NAALADL2: variants seen among roughly 807,000 people sequenced by gnomAD.
NAALADL2 encodes the protein inactive N-acetylated-alpha-linked acidic dipeptidase-like protein 2.
A neutral mutation model predicts 87.2 loss-of-function variants in NAALADL2; 76 were observed. The ratio of observed to expected loss-of-function variants is 0.87; its 90% CI spans 0.72 to 1.05. The LOEUF is 1.05. NAALADL2 is among the 50% of genes least tolerant of loss of function. The pLI is 0.00. For synonymous variants in NAALADL2, 354 were observed against 331.0 expected (o/e 1.07, Z -0.75); for missense variants, 1,089 against 945.8 (o/e 1.15, Z -1.99).
intron 1 of NAALADL2, among the ~76,000 whole-genome samples, chr3:174,453,329 G>A (rs1258612669): frequency 6.6e-6 from 1 of 152,086 alleles, no homozygotes; most frequent in Non-Finnish European, 1.5e-5. Flanking sequence ...TGAAAGAGAT[G>A]GGGAGTATGG....
At chr3:174,603,492 C>T (rs1241969070) in intron 2 of NAALADL2, among the ~76,000 whole-genome samples, 2 of 151,826 alleles carry the variant, frequency 1.3e-5, no homozygotes, top group Non-Finnish European at 2.9e-5. Flanking sequence ...TTTGGGCCTT[C>T]TCTCTTTTTT....
intron 4 of NAALADL2, among the ~76,000 whole-genome samples, chr3:175,283,930 G>A (rs1282728835): frequency 5.9e-5 from 9 of 151,930 alleles, no homozygotes; most frequent in Non-Finnish European, 8.8e-5. Flanking sequence ...ACCCATTAAA[G>A]AAAGAAGGGA....
At chr3:175,394,287 G>A (rs1355971731) in intron 5 of NAALADL2, among the ~76,000 whole-genome samples, 2 of 152,156 alleles carry the variant, frequency 1.3e-5, no homozygotes, top group South Asian at 2.1e-4. Context: ...GAAGGAGTAA[G>A]TTTTAACCCT....
intron 9 of NAALADL2, among the ~76,000 whole-genome samples, chr3:175,524,433 A>T (rs535735428): frequency 2.0e-5 from 3 of 152,224 alleles, no homozygotes; most frequent in Admixed American, 1.3e-4. Context: ...GTGTACTTTT[A>T]TCATAGGTAA....
At chr3:174,889,470 G>A (rs979695722) in intron 1 of NAALADL2, among the ~76,000 whole-genome samples, 4 of 152,020 alleles carry the variant, frequency 2.6e-5, no homozygotes, top group Non-Finnish European at 2.9e-5. Context: ...CTCTCCTGCT[G>A]GACGCCATTG....
At chr3:175,769,366 GAAAGA>G (rs1749173375) in intron 13 of NAALADL2, among the ~76,000 whole-genome samples, 1 of 152,112 alleles carries the variant, frequency 6.6e-6, no homozygotes, top group South Asian at 2.1e-4. Context: ...TGTCTTGAAG[GAAAGA>G]AACATAACCT....
chr3:175,369,329 G>A (rs1269593641), intron 5 of NAALADL2, among the ~76,000 whole-genome samples: 1 of 151,916 alleles, frequency 6.6e-6, no homozygotes, highest in African/African-American at 2.4e-5. Context: ...GTATGTGTGT[G>A]CCTGTGTGCG....
intron 2 of NAALADL2, among the ~76,000 whole-genome samples, chr3:174,652,758 C>G (rs1163880254): frequency 6.6e-6 from 1 of 152,006 alleles, no homozygotes; most frequent in Non-Finnish European, 1.5e-5. Flanking sequence ...TTAAGAACTT[C>G]TATAAATCAA....
chr3:175,411,058 GAA>G (rs1384961878), intron 5 of NAALADL2, among the ~76,000 whole-genome samples: 1 of 152,276 alleles, frequency 6.6e-6, no homozygotes, highest in Non-Finnish European at 1.5e-5. Flanking sequence ...TGAGGGCAAT[GAA>G]AGAGTGTGTC....
At chr3:174,960,012 T>C (rs1741744450) in intron 1 of NAALADL2, among the ~76,000 whole-genome samples, 1 of 152,066 alleles carries the variant, frequency 6.6e-6, no homozygotes. Context: ...ACTTTAGGTC[T>C]GCAGATATGA....
intron 9 of NAALADL2, among the ~76,000 whole-genome samples, chr3:175,539,943 A>G (rs1399307491): frequency 6.6e-6 from 1 of 152,200 alleles, no homozygotes; most frequent in Non-Finnish European, 1.5e-5. Flanking sequence ...TTTGCTTGCT[A>G]TCAAGCAAAA....
intron 1 of NAALADL2, among the ~76,000 whole-genome samples, chr3:174,492,086 A>G (rs1184425175): frequency 6.6e-6 from 1 of 152,060 alleles, no homozygotes; most frequent in African/African-American, 2.4e-5. Flanking sequence ...CCTGGCCAAC[A>G]TGGTGAAACT....
intron 2 of NAALADL2, among the ~76,000 whole-genome samples, chr3:174,675,627 G>A (rs1382699328): frequency 1.3e-5 from 2 of 151,986 alleles, no homozygotes; most frequent in South Asian, 4.1e-4. Context: ...AGCTGTAGCA[G>A]TGTTATTATG....
At chr3:175,588,383 G>A (rs905328049) in intron 10 of NAALADL2, among the ~76,000 whole-genome samples, 1 of 151,854 alleles carries the variant, frequency 6.6e-6, no homozygotes, top group African/African-American at 2.4e-5. Flanking sequence ...GGATATGGTT[G>A]AAAATAGATT....
chr3:175,256,435 G>A lies in NAALADL2; in HGVS notation c.844G>A (p.Gly282Arg). Reference protein sequence around the residue: ...LKAEVIDVSYGMADDLKRIRK... With the variant: ...LKAEVIDVSYRMADDLKRIRK... ...GGCTGAAGTCATCGATGTGAGTTAT[G>A]GAATGGCAGATGATTTAAAAAGGAT... Residue 282 changes from glycine (G) to arginine (R), a missense_variant, in exon 4 of 14, where the codon GGA becomes AGA. Coordinates refer to ENST00000454872, the MANE Select transcript of NAALADL2 (RefSeq NM_207015.3). 1 of 1,610,552 alleles carries A rather than the reference G, an allele frequency of 6.2e-7. No individual in the cohort carries two copies. Among genetic ancestry groups the A allele is most frequent in the Non-Finnish European group, 8.5e-7 (1 of 1,178,264 alleles).
intron 1 of NAALADL2, among the ~76,000 whole-genome samples, chr3:174,510,875 C>T (rs1416852314): frequency 6.6e-6 from 1 of 151,770 alleles, no homozygotes; most frequent in Admixed American, 6.6e-5. Context: ...TAATTGCTTT[C>T]CATAAATTGT....
chr3:175,622,820 ACACT>A (rs2149704882), intron 10 of NAALADL2, among the ~76,000 whole-genome samples: 1 of 152,282 alleles, frequency 6.6e-6, no homozygotes, highest in South Asian at 2.1e-4. Flanking sequence ...AAACCTTAAA[ACACT>A]CAGTAAATTT....
At chr3:174,875,155 A>G (rs796463904) in intron 1 of NAALADL2, among the ~76,000 whole-genome samples, 1 of 150,956 alleles carries the variant, frequency 6.6e-6, no homozygotes, top group South Asian at 2.1e-4. Context: ...ACGATTGGCG[A>G]AAAAAATGCA....
chr3:174,796,695 CTT>C (rs941299450), intron 3 of NAALADL2, among the ~76,000 whole-genome samples: 9 of 152,190 alleles, frequency 5.9e-5, no homozygotes, highest in South Asian at 2.1e-4. Flanking sequence ...GTACATGTCT[CTT>C]TTTGATGGAA....
Sources: allele counts gnomAD v4.1 joint callset (sites outside exome capture counted in the v4.1 genomes callset), GRCh38; gene constraint gnomAD v4.1.1; transcripts MANE v1.5; gene names NCBI Gene and HGNC (gene_info 2026-07-23, HGNC 2026-07-21).